MAGI2: variants seen among roughly 807,000 people sequenced by gnomAD.
MAGI2 encodes the protein membrane associated guanylate kinase, WW and PDZ domain containing 2, also known as membrane-associated guanylate kinase, WW and PDZ domain-containing protein 2.
MAGI2 carries 35 observed loss-of-function variants against 133.3 expected under a neutral mutation model. That is an observed-to-expected ratio of 0.26 (90% CI 0.20 to 0.35). The LOEUF (loss-of-function observed/expected upper bound fraction) is 0.35, where lower values mean the gene tolerates loss of function less well. MAGI2 is among the 10% of genes least tolerant of loss of function. The pLI is 1.00. For synonymous variants in MAGI2, 729 were observed against 710.6 expected (o/e 1.03, Z -0.41); for missense variants, 1,636 against 1,863.4 (o/e 0.88, Z 2.25).
chr7:78,953,541 AT>A (rs1429090094), intron 2 of MAGI2, among the ~76,000 whole-genome samples: 2 of 152,174 alleles, frequency 1.3e-5, no homozygotes, highest in Admixed American at 1.3e-4. Flanking sequence ...TTCCTTCCAA[AT>A]TCTTTATTGT....
intron 1 of MAGI2, among the ~76,000 whole-genome samples, chr7:79,142,853 T>C (rs1011549235): frequency 6.6e-6 from 1 of 152,132 alleles, no homozygotes; most frequent in Non-Finnish European, 1.5e-5. Context: ...GCAGAGAAGC[T>C]GGAAAGTTTC....
chr7:78,650,387 G>A (rs1811427254), intron 2 of MAGI2, among the ~76,000 whole-genome samples: 1 of 152,144 alleles, frequency 6.6e-6, no homozygotes, highest in South Asian at 2.1e-4. Context: ...GTGGAGAAGT[G>A]GGAACCAAAG....
chr7:78,105,453 C>T (rs1274797170), intron 20 of MAGI2, among the ~76,000 whole-genome samples: 2 of 152,140 alleles, frequency 1.3e-5, no homozygotes, highest in African/African-American at 4.8e-5. Context: ...GTGTTTGTAG[C>T]ATATTGTGTA....
intron 1 of MAGI2, chr7:79,125,134 A>G: frequency 3.2e-6 from 1 of 312,118 alleles, no homozygotes; most frequent in Admixed American, 3.7e-5. Flanking sequence ...CAAACTGATT[A>G]AAATCATTAC....
chr7:78,291,734 A>G (rs1796730014), intron 9 of MAGI2, among the ~76,000 whole-genome samples: 1 of 152,194 alleles, frequency 6.6e-6, no homozygotes, highest in Non-Finnish European at 1.5e-5. Flanking sequence ...CTTCTCCACC[A>G]TGATCAAGTG....
intron 6 of MAGI2, among the ~76,000 whole-genome samples, chr7:78,446,053 T>G (rs917482357): frequency 6.6e-6 from 1 of 151,384 alleles, no homozygotes; most frequent in East Asian, 1.9e-4. Flanking sequence ...TCTTTTGTCT[T>G]GTAATTTCGT....
At chr7:78,912,748 CATAT>C (rs749025459) in intron 2 of MAGI2, among the ~76,000 whole-genome samples, 1 of 142,714 alleles carries the variant, frequency 7.0e-6, no homozygotes, top group Non-Finnish European at 1.5e-5. Context: ...ATATATCATT[CATAT>C]ATATATATAT....
chr7:78,904,675 G>A (rs1433706295), intron 2 of MAGI2, among the ~76,000 whole-genome samples: 1 of 151,990 alleles, frequency 6.6e-6, no homozygotes, highest in Non-Finnish European at 1.5e-5. Context: ...ACTAATTTTT[G>A]TATTTTTAGT....
intron 1 of MAGI2, among the ~76,000 whole-genome samples, chr7:79,404,187 A>G (rs960907336): frequency 5.9e-5 from 9 of 152,192 alleles, no homozygotes; most frequent in African/African-American, 1.4e-4. Flanking sequence ...TCTACCTATC[A>G]TAGGTAGCCT....
chr7:78,566,848 A>G (rs1384635750), intron 3 of MAGI2, among the ~76,000 whole-genome samples: 3 of 152,166 alleles, frequency 2.0e-5, no homozygotes, highest in East Asian at 3.9e-4. Context: ...AAAAAAATTC[A>G]TGTAATCAGC....
At chr7:78,467,661 A>G (rs1444646242) in intron 6 of MAGI2, among the ~76,000 whole-genome samples, 2 of 151,998 alleles carry the variant, frequency 1.3e-5, no homozygotes. Context: ...TCATATTAGA[A>G]AGGAAAAGTA....
intron 1 of MAGI2, among the ~76,000 whole-genome samples, chr7:79,310,162 CAAAAAAAAAA>C (rs71518921): frequency 6.1e-5 from 1 of 16,304 alleles, no homozygotes; most frequent in Non-Finnish European, 1.2e-4. Flanking sequence ...GAGTCCATCT[CAAAAAAAAAA>C]AAAAAAAAAA....
intron 1 of MAGI2, chr7:79,009,010 C>A (rs1807766462): frequency 6.6e-6 from 1 of 152,066 alleles, no homozygotes; most frequent in Non-Finnish European, 1.5e-5. Context: ...TGCACCCCCT[C>A]TTCCTTCTCC....
intron 9 of MAGI2, among the ~76,000 whole-genome samples, chr7:78,295,652 C>T (rs1405569411): frequency 6.6e-6 from 1 of 152,106 alleles, no homozygotes; most frequent in Non-Finnish European, 1.5e-5. Context: ...GTTCTGTGCC[C>T]TTTCATCTTC....
intron 1 of MAGI2, among the ~76,000 whole-genome samples, chr7:79,251,250 TA>T (rs1443956886): frequency 3.3e-5 from 5 of 151,646 alleles, no homozygotes; most frequent in African/African-American, 1.2e-4. Flanking sequence ...TCCCATCAAG[TA>T]AAAAAGGTCC....
At chr7:79,186,751 GTATA>G (rs67211187) in intron 1 of MAGI2, among the ~76,000 whole-genome samples, 73,444 of 128,232 alleles carry the variant, frequency 0.57, 24,218 homozygotes, top group Non-Finnish European at 0.73. Flanking sequence ...TTATACAAAA[GTATA>G]TATATATATA....
At chr7:78,504,308 A>G (rs1364407186) in intron 4 of MAGI2, among the ~76,000 whole-genome samples, 2 of 151,948 alleles carry the variant, frequency 1.3e-5, no homozygotes, top group Non-Finnish European at 2.9e-5. Flanking sequence ...TAATTGTATA[A>G]TGGGGATATT....
At chr7:79,252,156 C>CA (rs1208897198) in intron 1 of MAGI2, among the ~76,000 whole-genome samples, 12,576 of 102,336 alleles carry the variant, frequency 0.12, 1,131 homozygotes, top group East Asian at 0.24. Context: ...GACCCTGTCT[C>CA]AAAAAAAAAA....
intron 2 of MAGI2, among the ~76,000 whole-genome samples, chr7:78,941,737 C>CACAA (rs554983893): frequency 0.036 from 5,120 of 142,756 alleles, 97 homozygotes; most frequent in Non-Finnish European, 0.047. Flanking sequence ...ATCACACACA[C>CACAA]ACACACACAC....
Sources: gnomAD v4.1 joint callset for allele counts (sites outside exome capture counted in the v4.1 genomes callset) on GRCh38, gnomAD v4.1.1 for gene constraint, MANE v1.5 for transcripts, NCBI Gene and HGNC (gene_info 2026-07-23, HGNC 2026-07-21) for gene names.